NUP210: variants seen among roughly 807,000 people sequenced by gnomAD.
The protein encoded by NUP210 is nucleoporin 210, also known as nuclear pore membrane glycoprotein 210.
In NUP210, 151 loss-of-function variants were observed where a neutral mutation model predicts 196.0. The observed-to-expected ratio is 0.77, with a 90% CI of 0.67 to 0.88. The LOEUF is 0.88. Among genes scored for constraint, NUP210 ranks in the 40% least tolerant of loss-of-function variants. The pLI, the probability that NUP210 is intolerant of heterozygous loss-of-function variation, is 0.00. For synonymous variants in NUP210, 1,070 were observed against 1,052.7 expected (o/e 1.02, Z -0.32); for missense variants, 2,314 against 2,493.7 (o/e 0.93, Z 1.53).
At position 13,339,943 on chromosome 3, in the gene NUP210, C is replaced by T. The variant is rs2124858569; in HGVS notation, c.3382G>A (p.Val1128Ile). The T allele has an allele frequency of 1.2e-6, 2 of 1,614,056 alleles. No individual in the cohort carries two copies. The highest frequency in any genetic ancestry group is 1.7e-6 in the Non-Finnish European group (2 of 1,180,042). ...SVALVSAAGL[V>I]QGLAIGNGTV... ...CCGTTCCCGATGGCGAGGCCCTGTA[C>T]CAGCCCAGCAGCGCTCACCAGCGCA... The change falls in exon 25 of 40, where the codon GTA becomes ATA. Residue 1128 changes from valine (V) to isoleucine (I), a missense_variant. Val to Ile is a conservative substitution (Grantham distance 29). Coordinates refer to ENST00000254508, the MANE Select transcript of NUP210 (RefSeq NM_024923.4).
chr3:13,382,658 A>T lies in NUP210; in HGVS notation c.818-2937T>A, dbSNP rs1188257269. 1.3e-5 allele frequency among the ~76,000 whole-genome samples: 2 copies of T among 152,260 alleles called. 1 individual carries two copies. The highest frequency in any genetic ancestry group is 4.1e-4 in the South Asian group (2 of 4,838). The stretch of plus-strand genomic sequence containing the variant: ...AAATATAAAGAGTTAATCTGCAGTT[A>T]TAATTATCGCATGTTAATGAGCCCA... On this transcript the variant is annotated intron_variant, in intron 6 of 39. Coordinates refer to ENST00000254508, the MANE Select transcript of NUP210 (RefSeq NM_024923.4).
chr3:13,338,093 C>A (rs1241838162), intron 25 of NUP210, among the ~76,000 whole-genome samples, 176 bp from the exon 26 acceptor site: 1 of 152,206 alleles, frequency 6.6e-6, no homozygotes, highest in Non-Finnish European at 1.5e-5. Context: ...GAGTGGCTCT[C>A]CCCTCATGGG....
intron 1 of NUP210, among the ~76,000 whole-genome samples, chr3:13,405,446 A>C (rs1327593486): frequency 6.6e-6 from 1 of 152,194 alleles, no homozygotes; most frequent in Non-Finnish European, 1.5e-5. Context: ...GTCAGCCTCT[A>C]TAATCATATA....
At chr3:13,380,582 C>A (rs954959878) in intron 6 of NUP210, among the ~76,000 whole-genome samples, 1 of 152,186 alleles carries the variant, frequency 6.6e-6, no homozygotes, top group Non-Finnish European at 1.5e-5. Context: ...CTCTCCTAAG[C>A]CCGCGGAGCT....
Position 13,348,645 on chromosome 3 carries a change from G to T in NUP210, c.2835+3234C>A. 1 of 985,412 alleles carries T rather than the reference G, an allele frequency of 1.0e-6. No individual in the cohort carries two copies. The highest frequency in any genetic ancestry group is 1.2e-6 in the Non-Finnish European group (1 of 829,924). The allele number at this position is 985,412 out of a possible 1,614,324, so 61.0% of individuals were successfully genotyped here. ...TTCTATGAGGGGATAAGAATGCTTA[G>T]GAGACGCTGCTTGTGGTCTCAGGCT... On this transcript the variant is annotated intron_variant, in intron 20 of 39. Transcript: ENST00000254508. The surrounding 1 kb of genome is among the most constrained non-coding windows in gnomAD (Gnocchi z 4.0).
At position 13,348,167 on chromosome 3, in the gene NUP210, C is replaced by G. The variant is rs1177727033; in HGVS notation, c.2835+3712G>C. ...TGCAGAGGCACTCCTAGAATTGCAG[C>G]ATTTTAGGATTCAAGAGGGGTTTAA... On this transcript the variant is annotated intron_variant, in intron 20 of 39. Transcript: ENST00000254508. The surrounding 1 kb of genome is among the most constrained non-coding windows in gnomAD (Gnocchi z 4.0). 1 of 154,800 alleles carries G rather than the reference C, an allele frequency of 6.5e-6. No individual in the cohort carries two copies. The highest frequency in any genetic ancestry group is 1.4e-5 in the Non-Finnish European group (1 of 70,364). The allele number at this position is 154,800 out of a possible 1,614,324, so 9.6% of individuals were successfully genotyped here.
chr3:13,364,371 A>C lies in NUP210; in HGVS notation c.1932+1575T>G, dbSNP rs1464673855. Among the ~76,000 whole-genome samples the C allele has an allele frequency of 5.3e-5, 8 of 152,148 alleles. No individual in the cohort carries two copies. The East Asian group carries it at 1.5e-3, about 29-fold the overall frequency. ...TCTGATCACTAATGGACATCTGAGA[A>C]GTGTCTGTTATGTTTGCTCTGGAGG... On this transcript the variant is annotated intron_variant, in intron 14 of 39. Coordinates refer to ENST00000254508, the MANE Select transcript of NUP210 (RefSeq NM_024923.4).
chr3:13,375,666 G>T (rs374530247), intron 10 of NUP210, 25 bp from the exon 11 acceptor site: 1 of 1,603,814 alleles, frequency 6.2e-7, no homozygotes, highest in Admixed American at 1.7e-5. Context: ...GGTGCCACAC[G>T]TAACCATGAC....
At chr3:13,327,727 G>A (rs559529548) in intron 31 of NUP210, among the ~76,000 whole-genome samples, 84 of 152,234 alleles carry the variant, frequency 5.5e-4, no homozygotes, top group African/African-American at 1.9e-3. Flanking sequence ...CTGAGGCCCC[G>A]AGGGGAAAGA....
chr3:13,343,339 T>TGGGGG, intron 20 of NUP210, 36 bp from the exon 21 acceptor site: 1 of 282,506 alleles, frequency 3.5e-6, no homozygotes. Context: ...GGGTGGGTGG[T>TGGGGG]GGGTTACGCA....
chr3:13,364,028 ACT>A (rs1403984849), intron 14 of NUP210, among the ~76,000 whole-genome samples: 2 of 151,700 alleles, frequency 1.3e-5, no homozygotes, highest in Non-Finnish European at 2.9e-5. Context: ...GCTCTCTGAC[ACT>A]CTCACCTGCT....
rs1470919836 is a variant in NUP210, at chr3:13,376,253, A to C, written c.1293+38T>G. 1.9e-6 allele frequency: 3 copies of C among 1,609,766 alleles called. No individual in the cohort carries two copies. The Admixed American group carries it at 5.0e-5, about 27-fold the overall frequency. ...ATTTCTGCCTACAGAGGGTGGCTTC[A>C]TAGGACAAGGCACGACGCAGGGGAG... On this transcript the variant is annotated intron_variant, in intron 10 of 39. Coordinates refer to ENST00000254508, the MANE Select transcript of NUP210 (RefSeq NM_024923.4).
intron 20 of NUP210, among the ~76,000 whole-genome samples, chr3:13,349,320 T>C (rs1307130369): frequency 6.6e-6 from 1 of 152,148 alleles, no homozygotes; most frequent in Non-Finnish European, 1.5e-5. Context: ...GGGCAGGATG[T>C]CAGCTTTTCT....
intron 34 of NUP210, 39 bp from the exon 35 acceptor site, chr3:13,322,378 G>C (rs565634638): frequency 6.2e-7 from 1 of 1,606,896 alleles, no homozygotes; most frequent in Non-Finnish European, 8.5e-7. Flanking sequence ...GGCCAGGCCC[G>C]ATGGCCACCA....
chr3:13,367,632 C>A (rs776122530), intron 13 of NUP210, among the ~76,000 whole-genome samples: 1 of 152,182 alleles, frequency 6.6e-6, no homozygotes, highest in East Asian at 1.9e-4. Context: ...ACCAGCACAA[C>A]TGAATCATGC....
At chr3:13,412,428 C>T (rs1033267562) in intron 1 of NUP210, among the ~76,000 whole-genome samples, 3 of 151,556 alleles carry the variant, frequency 2.0e-5, no homozygotes, top group Non-Finnish European at 4.4e-5. Flanking sequence ...TAAAAGGAAA[C>T]CTTGGCCAGG....
At chr3:13,406,031 C>T (rs760099570) in intron 1 of NUP210, among the ~76,000 whole-genome samples, 2 of 152,138 alleles carry the variant, frequency 1.3e-5, no homozygotes, top group Non-Finnish European at 2.9e-5. Context: ...AAGATAATGT[C>T]AATGTTTTTT....
chr3:13,335,387 C>T lies in NUP210; in HGVS notation c.3843+67G>A, dbSNP rs928668076. 1.7e-5 allele frequency: 26 copies of T among 1,559,314 alleles called. No homozygotes were observed. The East Asian group carries it at 3.8e-4, about 23-fold the overall frequency. On this transcript the variant is annotated intron_variant, in intron 28 of 39. Transcript: ENST00000254508. ...CCCCTGCCCATGCAACATGTGGCCC[C>T]GAAGGAAGATTGGGCAGCTGGCACT... is the stretch of plus-strand genomic sequence containing the variant.
intron 39 of NUP210, among the ~76,000 whole-genome samples, chr3:13,318,056 A>AG (rs1207830699): frequency 1.3e-5 from 2 of 152,192 alleles, no homozygotes; most frequent in East Asian, 3.9e-4. Context: ...GCATCTGTCC[A>AG]GGGGGCATGA....
Sources: allele counts gnomAD v4.1 joint callset (sites outside exome capture counted in the v4.1 genomes callset), GRCh38; gene constraint gnomAD v4.1.1; non-coding constraint Gnocchi (gnomAD v3.1); transcripts MANE v1.5; gene names NCBI Gene and HGNC (gene_info 2026-07-23, HGNC 2026-07-21).